NPHP1: variants seen among roughly 807,000 people sequenced by gnomAD.
NPHP1 encodes the protein nephrocystin 1.
In NPHP1, 70 loss-of-function variants were observed where a neutral mutation model predicts 90.4. That is an observed-to-expected ratio of 0.77 (90% CI 0.64 to 0.95). The LOEUF (loss-of-function observed/expected upper bound fraction) is 0.95. NPHP1 is among the 40% of genes least tolerant of loss of function. The pLI is 0.00. For missense variants in NPHP1, 764 were observed against 795.9 expected, an observed-to-expected ratio of 0.96 and a Z score of 0.48; for synonymous variants, 256 against 271.7, an observed-to-expected ratio of 0.94 and a Z score of 0.57.
chr2:110,135,333 T>C (rs1975362), intron 16 of NPHP1, among the ~76,000 whole-genome samples: 147,856 of 151,646 alleles, frequency 0.98, 72,182 homozygotes, highest in Middle Eastern at 1. Context: ...AAAAATTAGC[T>C]GGGCGTGTTG....
intron 10 of NPHP1, among the ~76,000 whole-genome samples, chr2:110,161,187 A>G (rs1307783262): frequency 2.0e-5 from 3 of 152,116 alleles, no homozygotes; most frequent in South Asian, 2.1e-4. Context: ...TACTACTGCT[A>G]CTACTACTAT....
At chr2:110,136,104 C>T (rs182864764) in intron 16 of NPHP1, among the ~76,000 whole-genome samples, 6,508 of 151,964 alleles carry the variant, frequency 0.043, 454 homozygotes, top group African/African-American at 0.15. Flanking sequence ...CAGAAAAGGC[C>T]TTTGACAAAA....
chr2:110,185,564 CCCA>C (rs1684227888), intron 2 of NPHP1, among the ~76,000 whole-genome samples: 1 of 152,076 alleles, frequency 6.6e-6, no homozygotes, highest in African/African-American at 2.4e-5. Flanking sequence ...CTGGACTGGC[CCCA>C]CCCTCACTCC....
intron 2 of NPHP1, among the ~76,000 whole-genome samples, chr2:110,185,341 G>A (rs1161056134): frequency 2.0e-5 from 3 of 152,182 alleles, no homozygotes; most frequent in Non-Finnish European, 4.4e-5. Flanking sequence ...GGGACCCCAG[G>A]TCCAGAAAGG....
At chr2:110,131,822 G>A in intron 16 of NPHP1, 31 bp from the exon 17 acceptor site, 1 of 1,290,128 alleles carries the variant, frequency 7.8e-7, no homozygotes, top group Non-Finnish European at 1.1e-6. Flanking sequence ...GTATTCATTA[G>A]ACAATCCCCT....
chr2:110,182,905 A>G (rs950145936), intron 2 of NPHP1, among the ~76,000 whole-genome samples: 1 of 152,140 alleles, frequency 6.6e-6, no homozygotes, highest in Non-Finnish European at 1.5e-5. Context: ...GATCCACGTC[A>G]TTTGCAAAGA....
intron 1 of NPHP1, 141 bp from the exon 2 acceptor site, chr2:110,201,635 A>G: frequency 3.1e-6 from 2 of 643,144 alleles, no homozygotes; most frequent in Non-Finnish European, 5.4e-6. Flanking sequence ...GAAAACCCAT[A>G]TACCCGCTAC....
intron 2 of NPHP1, among the ~76,000 whole-genome samples, chr2:110,191,851 A>G (rs1684771972): frequency 6.6e-6 from 1 of 152,130 alleles, no homozygotes; most frequent in African/African-American, 2.4e-5. Flanking sequence ...CTGTTCACCA[A>G]TATTCGCTGT....
At chr2:110,129,028 G>C in intron 18 of NPHP1, 158 bp downstream of exon 18, 1 of 659,170 alleles carries the variant, frequency 1.5e-6, no homozygotes, top group Non-Finnish European at 2.8e-6. Context: ...TTTATGCTAA[G>C]ATGGGAAAGA....
At chr2:110,199,342 G>A (rs537552470) in intron 2 of NPHP1, among the ~76,000 whole-genome samples, 5 of 151,954 alleles carry the variant, frequency 3.3e-5, no homozygotes, top group African/African-American at 7.2e-5. Context: ...GCTAAGGCAG[G>A]AGAATCGCTT....
chr2:110,155,396 C>T lies in NPHP1; in HGVS notation c.1083+4731G>A, dbSNP rs139809784. Among the ~76,000 whole-genome samples the T allele has an allele frequency of 3.8e-3, 578 of 152,272 alleles. 9 individuals are homozygous for T. The highest frequency in any genetic ancestry group is 0.014 in the African/African-American group (562 of 41,552). On this transcript the variant is annotated intron_variant, in intron 11 of 19. Transcript: ENST00000445609. ...ACACAGAGTCCCTCCTGGGGCACCA[C>T]CTAGTGGAGCTGTGAGAAGAGGGCC... is the stretch of plus-strand genomic sequence containing the variant.
At chr2:110,125,555 TA>T in intron 19 of NPHP1, 81 bp downstream of exon 19, 1 of 1,380,158 alleles carries the variant, frequency 7.2e-7, no homozygotes, top group Non-Finnish European at 1.0e-6. Context: ...CTACTTTTGC[TA>T]AAAAAGAGAC....
At chr2:110,167,269 T>G (rs1163803165) in intron 6 of NPHP1, among the ~76,000 whole-genome samples, 1 of 152,014 alleles carries the variant, frequency 6.6e-6, no homozygotes, top group East Asian at 1.9e-4. Context: ...TAATTCTAGG[T>G]GGGCACCTAA....
intron 2 of NPHP1, 146 bp from the exon 3 acceptor site, chr2:110,179,830 C>T: frequency 1.9e-6 from 1 of 517,060 alleles, no homozygotes; most frequent in Non-Finnish European, 3.5e-6. Context: ...AAATGCTTTT[C>T]CACCTATTAG....
chr2:110,156,447 C>T (rs1266010213), intron 11 of NPHP1, among the ~76,000 whole-genome samples: 1 of 152,014 alleles, frequency 6.6e-6, no homozygotes, highest in Non-Finnish European at 1.5e-5. Context: ...TTTGCCCTTT[C>T]TTGGGTATGT....
chr2:110,135,945 C>T (rs1680162518), intron 16 of NPHP1, among the ~76,000 whole-genome samples: 2 of 152,134 alleles, frequency 1.3e-5, no homozygotes, highest in Admixed American at 1.3e-4. Context: ...AATTAAGCTT[C>T]ATGGAATGCA....
chr2:110,164,794 T>A, intron 7 of NPHP1, 64 bp from the exon 8 acceptor site: 1 of 1,343,406 alleles, frequency 7.4e-7, no homozygotes, highest in Non-Finnish European at 1.1e-6. Context: ...ATTAGGGAAC[T>A]TCTTTAATCA....
At chr2:110,184,228 T>A in intron 2 of NPHP1, 1 of 576,678 alleles carries the variant, frequency 1.7e-6, no homozygotes, top group Non-Finnish European at 3.4e-6. Flanking sequence ...GACATCTTCA[T>A]TGGCTTCAAA....
intron 16 of NPHP1, among the ~76,000 whole-genome samples, chr2:110,143,116 G>A (rs1680771249): frequency 6.6e-6 from 1 of 152,168 alleles, no homozygotes; most frequent in Admixed American, 6.5e-5. Flanking sequence ...TTTTTAGAGT[G>A]AGGGAAAGTT....
Sources: allele counts gnomAD v4.1 joint callset (sites outside exome capture counted in the v4.1 genomes callset), GRCh38; gene constraint gnomAD v4.1.1; transcripts MANE v1.5; gene names NCBI Gene and HGNC (gene_info 2026-07-23, HGNC 2026-07-21).